Variants in GPC6 observed in about 807,000 individuals in gnomAD.
The protein encoded by GPC6 is glypican 6.
In GPC6, 14 loss-of-function variants were observed where a neutral mutation model predicts 55.2. That is an observed-to-expected ratio of 0.25 (90% CI 0.17 to 0.40). GPC6 has a LOEUF of 0.40. Among genes scored for constraint, GPC6 ranks in the 10% least tolerant of loss-of-function variants. The probability of loss-of-function intolerance (pLI) is 1.00; values close to 1 mark genes in which losing one functional copy is unlikely to be tolerated. For missense variants in GPC6, 641 were observed against 708.5 expected, an observed-to-expected ratio of 0.90 and a Z score of 1.08; for synonymous variants, 278 against 259.6, an observed-to-expected ratio of 1.07 and a Z score of -0.68.
intron 1 of GPC6, among the ~76,000 whole-genome samples, chr13:93,540,421 T>G (rs9516250): frequency 0.12 from 18,449 of 152,150 alleles, 1,347 homozygotes; most frequent in East Asian, 0.3. Flanking sequence ...AATTATTAAC[T>G]TGAATTTGAT....
At chr13:93,667,624 G>T (rs73543585) in intron 2 of GPC6, among the ~76,000 whole-genome samples, 6,279 of 151,880 alleles carry the variant, frequency 0.041, 438 homozygotes, top group African/African-American at 0.14. Context: ...GTAGACACAG[G>T]ATTTCGCCAC....
At chr13:93,452,545 C>A (rs1190090256) in intron 1 of GPC6, among the ~76,000 whole-genome samples, 2 of 152,164 alleles carry the variant, frequency 1.3e-5, no homozygotes, top group African/African-American at 2.4e-5. Context: ...TGAGTATTAA[C>A]CCTTTTTACC....
intron 2 of GPC6, among the ~76,000 whole-genome samples, chr13:93,788,353 G>A (rs1885879513): frequency 1.3e-5 from 2 of 152,064 alleles, no homozygotes; most frequent in Admixed American, 1.3e-4. Context: ...CACAAGAAAG[G>A]AGACCTCATG....
At chr13:94,001,469 T>C (rs915698077) in intron 3 of GPC6, among the ~76,000 whole-genome samples, 1 of 152,186 alleles carries the variant, frequency 6.6e-6, no homozygotes, top group Admixed American at 6.5e-5. Flanking sequence ...TAAAAATTAA[T>C]CTAATGAAAT....
intron 4 of GPC6, among the ~76,000 whole-genome samples, chr13:94,242,266 G>C (rs190058725): frequency 1.9e-3 from 282 of 152,094 alleles, no homozygotes; most frequent in African/African-American, 5.2e-3. Context: ...TTTTATGGCT[G>C]AATATAGGAA....
Position 93,708,776 on chromosome 13 carries a change from A to G in GPC6, c.320-121378A>G, listed in dbSNP as rs1882944805. Among the ~76,000 whole-genome samples the G allele has an allele frequency of 2.0e-5, 3 of 151,756 alleles. No homozygotes were observed. The South Asian group carries it at 6.2e-4, about 31-fold the overall frequency. On this transcript the variant is annotated intron_variant, in intron 2 of 8. Transcript: ENST00000377047. ...CCACTAAGATTGACACTTCAGTAAA[A>G]GATGCTACTGCCCTCATGGACTCCA...
chr13:93,235,014 T>TG (rs1209765655), intron 1 of GPC6, among the ~76,000 whole-genome samples: 1 of 152,016 alleles, frequency 6.6e-6, no homozygotes, highest in Non-Finnish European at 1.5e-5. Flanking sequence ...GCTCTGTCAG[T>TG]GAAAAAAAAA....
intron 4 of GPC6, among the ~76,000 whole-genome samples, chr13:94,132,105 G>A (rs1887023369): frequency 2.0e-5 from 3 of 152,080 alleles, no homozygotes; most frequent in Non-Finnish European, 4.4e-5. Flanking sequence ...GGTGATTCCA[G>A]AGCGCACGGA....
chr13:93,909,718 GAA>G (rs34236022), intron 3 of GPC6, among the ~76,000 whole-genome samples: 1 of 151,336 alleles, frequency 6.6e-6, no homozygotes, highest in Non-Finnish European at 1.5e-5. Flanking sequence ...AGGATTTTAG[GAA>G]AAAAAAAATC....
chr13:93,405,304 A>G (rs114580640), intron 1 of GPC6, among the ~76,000 whole-genome samples: 222 of 152,292 alleles, frequency 1.5e-3, no homozygotes, highest in African/African-American at 5.2e-3. Flanking sequence ...TTGCGGCACC[A>G]TCAGAGTGCA....
intron 2 of GPC6, among the ~76,000 whole-genome samples, chr13:93,655,786 A>C (rs1880635849): frequency 6.6e-6 from 1 of 152,196 alleles, no homozygotes; most frequent in Non-Finnish European, 1.5e-5. Flanking sequence ...ACATATAACA[A>C]CAATGAAATA....
chr13:94,310,455 A>G (rs942514393), intron 6 of GPC6, among the ~76,000 whole-genome samples: 5 of 152,078 alleles, frequency 3.3e-5, no homozygotes, highest in Non-Finnish European at 7.4e-5. Context: ...ACAAAGCTCA[A>G]CTTTGTGCCT....
intron 3 of GPC6, among the ~76,000 whole-genome samples, chr13:93,937,167 T>TA (rs748504236): frequency 6.6e-6 from 1 of 152,222 alleles, no homozygotes; most frequent in Admixed American, 6.5e-5. Flanking sequence ...TCTTTCCTGT[T>TA]ACGAATTACA....
At chr13:93,230,876 C>T (rs530500623) in intron 1 of GPC6, among the ~76,000 whole-genome samples, 1 of 152,166 alleles carries the variant, frequency 6.6e-6, no homozygotes, top group South Asian at 2.1e-4. Flanking sequence ...CTTACTCTGC[C>T]ACTGTTTTAT....
chr13:93,757,386 G>A (rs1884808529), intron 2 of GPC6, among the ~76,000 whole-genome samples: 1 of 152,140 alleles, frequency 6.6e-6, no homozygotes, highest in Non-Finnish European at 1.5e-5. Flanking sequence ...CCCACAGAAG[G>A]TTGTAGCTTG....
chr13:93,345,366 T>C (rs1481284885), intron 1 of GPC6, among the ~76,000 whole-genome samples: 2 of 152,156 alleles, frequency 1.3e-5, no homozygotes, highest in African/African-American at 4.8e-5. Context: ...ATGGTTATTT[T>C]TGTTGTTGAT....
intron 1 of GPC6, among the ~76,000 whole-genome samples, chr13:93,341,319 T>G (rs926010567): frequency 3.9e-5 from 6 of 152,368 alleles, no homozygotes; most frequent in African/African-American, 1.4e-4. Flanking sequence ...TTAAGGAATT[T>G]CCATACTGTT....
At chr13:94,315,196 A>C (rs1014095225) in intron 6 of GPC6, among the ~76,000 whole-genome samples, 5 of 152,220 alleles carry the variant, frequency 3.3e-5, no homozygotes, top group Admixed American at 2.6e-4. Flanking sequence ...TTGCTTACTA[A>C]CAAATAATTT....
chr13:94,010,796 T>A, intron 3 of GPC6, among the ~76,000 whole-genome samples: 1 of 152,028 alleles, frequency 6.6e-6, no homozygotes, highest in East Asian at 1.9e-4. Context: ...TCAGTGGCTT[T>A]ATAGAATTCT....
Sources: allele counts gnomAD v4.1 joint callset (sites outside exome capture counted in the v4.1 genomes callset), GRCh38; gene constraint gnomAD v4.1.1; transcripts MANE v1.5; gene names NCBI Gene and HGNC (gene_info 2026-07-23, HGNC 2026-07-21).